The following TSNARE1 variants were observed in gnomAD, a reference collection of about 807,000 sequenced individuals.
TSNARE1 encodes the protein t-SNARE domain containing 1.
A neutral mutation model predicts 62.0 loss-of-function variants in TSNARE1; 49 were observed. The ratio of observed to expected loss-of-function variants is 0.79; its 90% CI spans 0.63 to 1.00. The LOEUF (loss-of-function observed/expected upper bound fraction) is 1.00. Among genes scored for constraint, TSNARE1 ranks in the 50% least tolerant of loss-of-function variants. TSNARE1 has a pLI of 0.00. For synonymous variants in TSNARE1, 328 were observed against 294.4 expected (o/e 1.11, Z -1.17); for missense variants, 755 against 700.1 (o/e 1.08, Z -0.88).
intron 11 of TSNARE1, among the ~76,000 whole-genome samples, chr8:142,282,549 G>A (rs1160644019): frequency 6.6e-6 from 1 of 151,432 alleles, no homozygotes; most frequent in Non-Finnish European, 1.5e-5. Context: ...AATGAGCAGA[G>A]GCGGGACCAG....
At chr8:142,331,969 T>C in intron 4 of TSNARE1, 138 bp from the exon 5 acceptor site, 1 of 799,916 alleles carries the variant, frequency 1.3e-6, no homozygotes, top group Non-Finnish European at 2.1e-6. Context: ...CCTCACTGCC[T>C]TTGCGGCTTG....
intron 1 of TSNARE1, among the ~76,000 whole-genome samples, chr8:142,391,097 T>A (rs371428784): frequency 9.5e-6 from 1 of 105,048 alleles, no homozygotes; most frequent in African/African-American, 3.9e-5. Context: ...TGTACACTGC[T>A]GGGGACTCTA....
At chr8:142,308,292 T>C (rs531818919) in intron 9 of TSNARE1, among the ~76,000 whole-genome samples, 27 of 152,132 alleles carry the variant, frequency 1.8e-4, no homozygotes, top group Non-Finnish European at 3.1e-4. Flanking sequence ...CGTGAAGGCG[T>C]CGGGGAGCCT....
chr8:142,290,182 G>T (rs1319813341), intron 10 of TSNARE1, among the ~76,000 whole-genome samples: 1 of 152,146 alleles, frequency 6.6e-6, no homozygotes, highest in Non-Finnish European at 1.5e-5. Flanking sequence ...CAGTCCTGGG[G>T]CGACAGAGAG....
chr8:142,289,224 G>A (rs1823341308), intron 10 of TSNARE1, among the ~76,000 whole-genome samples: 1 of 152,172 alleles, frequency 6.6e-6, no homozygotes, highest in Non-Finnish European at 1.5e-5. Flanking sequence ...CAGCAGCTCG[G>A]GCTCCAGGCA....
chr8:142,246,700 A>G (rs1276553474), intron 12 of TSNARE1, among the ~76,000 whole-genome samples: 2 of 152,110 alleles, frequency 1.3e-5, no homozygotes, highest in East Asian at 3.9e-4. Flanking sequence ...GGGATGACCG[A>G]GGACCTGGGA....
intron 1 of TSNARE1, among the ~76,000 whole-genome samples, chr8:142,373,567 C>A (rs1365450543): frequency 6.6e-6 from 1 of 152,152 alleles, no homozygotes; most frequent in Non-Finnish European, 1.5e-5. Context: ...GACCCTGAGA[C>A]CACACCACCA....
rs1211091773 is a variant in TSNARE1 at position 142,280,130 on chromosome 8, G to A, written c.1363+4283C>T. On this transcript the variant is annotated intron_variant, in intron 11 of 13. Transcript: ENST00000524325. The stretch of plus-strand genomic sequence containing the variant: ...GTGCCCCGCAGCGCCCCGAACAGCA[G>A]CGGGTAGTGGCGCCGCACCCTCTGC... The A allele has an allele frequency of 3.6e-6, 4 of 1,103,928 alleles. No homozygotes were observed. The East Asian group carries it at 4.1e-4, about 112-fold the overall frequency. The allele number at this position is 1,103,928 out of a possible 1,614,324, so 68.4% of individuals were successfully genotyped here. A position where few individuals can be genotyped will look rare whatever the true frequency, so the allele number is the denominator to read the frequency against.
chr8:142,262,356 T>A (rs909363993), intron 12 of TSNARE1, among the ~76,000 whole-genome samples: 3 of 152,142 alleles, frequency 2.0e-5, no homozygotes, highest in Non-Finnish European at 4.4e-5. Flanking sequence ...TGTCCATTTA[T>A]TTAGAATTTT....
At chr8:142,253,142 C>T (rs751980220) in intron 12 of TSNARE1, among the ~76,000 whole-genome samples, 2 of 152,170 alleles carry the variant, frequency 1.3e-5, no homozygotes, top group African/African-American at 2.4e-5. Context: ...GGCTCTGCCA[C>T]GGGTGAGAGT....
chr8:142,221,855 A>T (rs1816262144), intron 13 of TSNARE1, among the ~76,000 whole-genome samples: 1 of 131,208 alleles, frequency 7.6e-6, no homozygotes, highest in South Asian at 2.6e-4. Flanking sequence ...TCACTCACTC[A>T]TCCACTCACT....
rs879253353 is a variant in TSNARE1 at position 142,287,682 on chromosome 8, G to A, written c.1291-3197C>T. On this transcript the variant is annotated intron_variant, in intron 10 of 13. Coordinates refer to ENST00000524325, the MANE Select transcript of TSNARE1 (RefSeq NM_145003.5). ...TCCAGGTCGTGGAACCCAGGACCCC[G>A]GCCAGATCTCAGGGACAGTGGAACC... Among the ~76,000 whole-genome samples the A allele has an allele frequency of 1.4e-4, 18 of 132,062 alleles. No individual in the cohort carries two copies. In the South Asian group the frequency reaches 2.6e-3, roughly 19 times the overall value. The allele number at this position is 132,062 out of a possible 152,430, so 86.6% of individuals were successfully genotyped here.
At chr8:142,271,611 GGTCAGGTTCA>G in intron 12 of TSNARE1, 1 of 1,433,556 alleles carries the variant, frequency 7.0e-7, no homozygotes, top group Non-Finnish European at 9.1e-7. Flanking sequence ...AAGTCCAGGG[GGTCAGGTTCA>G]GGCAGGCTGG....
chr8:142,397,362 C>T (rs1205729165), intron 1 of TSNARE1, among the ~76,000 whole-genome samples: 1 of 152,208 alleles, frequency 6.6e-6, no homozygotes, highest in East Asian at 1.9e-4. Context: ...AGGTGATGTC[C>T]CCCAAGACGC....
At chr8:142,349,137 G>A (rs981929572) in intron 2 of TSNARE1, among the ~76,000 whole-genome samples, 3 of 152,202 alleles carry the variant, frequency 2.0e-5, no homozygotes, top group Non-Finnish European at 2.9e-5. Flanking sequence ...GCCCCAGCGC[G>A]ACGATTTTCA....
At chr8:142,293,912 C>T (rs1255630663) in intron 10 of TSNARE1, among the ~76,000 whole-genome samples, 1 of 152,200 alleles carries the variant, frequency 6.6e-6, no homozygotes, top group Non-Finnish European at 1.5e-5. Flanking sequence ...AGCCTTGGCA[C>T]TAAGCTTCCC....
chr8:142,356,673 G>A (rs976709785), intron 1 of TSNARE1, among the ~76,000 whole-genome samples: 1 of 152,180 alleles, frequency 6.6e-6, no homozygotes, highest in African/African-American at 2.4e-5. Context: ...GGCGCGTGAC[G>A]ACAATCACAG....
intron 11 of TSNARE1, among the ~76,000 whole-genome samples, chr8:142,281,016 C>T (rs1037922614): frequency 1.1e-4 from 16 of 152,332 alleles, no homozygotes; most frequent in African/African-American, 3.6e-4. Flanking sequence ...CTCCTGGGGA[C>T]ACAGCACAGT....
chr8:142,269,638 T>C, intron 12 of TSNARE1: 1 of 985,350 alleles, frequency 1.0e-6, no homozygotes, highest in South Asian at 4.7e-5. Flanking sequence ...CCATGGTGGG[T>C]ATTTTTAATG....
Sources: allele counts gnomAD v4.1 joint callset (sites outside exome capture counted in the v4.1 genomes callset), GRCh38; gene constraint gnomAD v4.1.1; transcripts MANE v1.5; gene names NCBI Gene and HGNC (gene_info 2026-07-23, HGNC 2026-07-21).